The following RABGEF1 variants were observed in gnomAD, a reference collection of about 807,000 sequenced individuals.
RABGEF1 encodes RAB guanine nucleotide exchange factor 1.
In RABGEF1, 26 loss-of-function variants were observed where a neutral mutation model predicts 57.3. The observed-to-expected ratio is 0.45, with a 90% confidence interval of 0.33 to 0.63. RABGEF1 has a LOEUF of 0.63. Ranked by LOEUF, RABGEF1 falls within the 20% of genes least tolerant of loss-of-function variation. The pLI, the probability that RABGEF1 is intolerant of heterozygous loss-of-function variation, is 0.02. For synonymous variants in RABGEF1, 185 were observed against 210.7 expected (o/e 0.88, Z 1.06); for missense variants, 464 against 607.6 (o/e 0.76, Z 2.48).
chr7:66,716,987 C>T (rs1413557686), intron 2 of RABGEF1, among the ~76,000 whole-genome samples: 1 of 152,180 alleles, frequency 6.6e-6, no homozygotes, highest in African/African-American at 2.4e-5. Flanking sequence ...CCATGTTGGC[C>T]AGGCTAGTCT....
intron 8 of RABGEF1, chr7:66,807,841 T>A (rs1788768085): frequency 1.3e-5 from 2 of 152,204 alleles, no homozygotes; most frequent in South Asian, 4.1e-4. Flanking sequence ...TTTCTAGAGA[T>A]GGTTTCTACC....
chr7:66,800,756 C>T (rs546130377), intron 7 of RABGEF1, among the ~76,000 whole-genome samples: 9 of 152,326 alleles, frequency 5.9e-5, no homozygotes, highest in East Asian at 1.9e-4. Flanking sequence ...GTAGCCTTTA[C>T]GGCCTGTTGC....
At chr7:66,808,497 AGGCACCGG>A (rs1312025096) in intron 8 of RABGEF1, among the ~76,000 whole-genome samples, 1 of 152,178 alleles carries the variant, frequency 6.6e-6, no homozygotes, top group Non-Finnish European at 1.5e-5. Context: ...TACAGGCTTG[AGGCACCGG>A]GCCCGGTCTG....
the RABGEF1 span, among the ~76,000 whole-genome samples, chr7:66,668,539 C>T: frequency 1.3e-5 from 2 of 152,152 alleles, no homozygotes; most frequent in South Asian, 2.1e-4. Context: ...GGAGAAGACC[C>T]TCTGGAGAGG....
the RABGEF1 span, among the ~76,000 whole-genome samples, chr7:66,663,016 T>G: frequency 6.6e-6 from 1 of 152,254 alleles, no homozygotes; most frequent in Non-Finnish European, 1.5e-5. Context: ...GTTGTGGATT[T>G]ACGGGAATGA....
intron 1 of RABGEF1, chr7:66,755,785 G>C (rs1485127910): frequency 3.1e-6 from 1 of 325,940 alleles, no homozygotes; most frequent in South Asian, 7.3e-5. Context: ...ATAGAAGACT[G>C]TTGTCTAGAA....
At chr7:66,689,110 A>T (rs944198458) in intron 1 of RABGEF1, among the ~76,000 whole-genome samples, 7 of 152,142 alleles carry the variant, frequency 4.6e-5, no homozygotes, top group South Asian at 4.1e-4. Flanking sequence ...AAATAAAAAT[A>T]AAAATTAAAA....
chr7:66,702,500 A>G (rs767843799), intron 1 of RABGEF1, among the ~76,000 whole-genome samples: 1 of 152,054 alleles, frequency 6.6e-6, no homozygotes, highest in Non-Finnish European at 1.5e-5. Context: ...GTATATATCT[A>G]GGAGTGGAAA....
chr7:66,728,761 G>A (rs201493826), intron 2 of RABGEF1, among the ~76,000 whole-genome samples: 6 of 1,534 alleles, frequency 3.9e-3, no homozygotes, highest in Non-Finnish European at 6.6e-3. Context: ...GACCCTCACC[G>A]CCATCCTCAC....
chr7:66,683,475 T>C lies in RABGEF1; in HGVS notation c.-873+1217T>C, dbSNP rs1452809265. ...TTCCAATCAGTCAGTTTCTGCTCTC[T>C]AGAAGTTAGCCAGTTGAGGAGAAGG... On this transcript the variant is annotated intron_variant and NMD_transcript_variant, in intron 1 of 9. Transcript: ENST00000607882. Among the ~76,000 whole-genome samples, 3 of 152,244 alleles carry C rather than the reference T, an allele frequency of 2.0e-5. No homozygotes were observed. In the East Asian group the frequency reaches 5.8e-4, roughly 29 times the overall value.
intron 1 of RABGEF1, chr7:66,769,035 G>A (rs944728060): frequency 1.3e-5 from 2 of 152,212 alleles, no homozygotes; most frequent in East Asian, 1.9e-4. Flanking sequence ...GGTAAGTGGG[G>A]GGATCCCCAT....
chr7:66,691,907 A>T (rs75117644), intron 1 of RABGEF1, among the ~76,000 whole-genome samples: 1 of 151,936 alleles, frequency 6.6e-6, no homozygotes, highest in Admixed American at 6.6e-5. Flanking sequence ...AAAAAAAAAA[A>T]TTAGTAAAGT....
At chr7:66,736,734 G>A (rs775664308), upstream of RABGEF1, among the ~76,000 whole-genome samples, 2 of 152,014 alleles carry the variant, frequency 1.3e-5, no homozygotes, top group African/African-American at 2.4e-5. Context: ...GGTGGCTTGC[G>A]CCTGTAATCC....
rs71526570 is a variant in RABGEF1, at chr7:66,687,113, C to CTTTTTTTTT, written c.-873+4869_-873+4877dup. 1.2e-4 allele frequency among the ~76,000 whole-genome samples: 12 copies of CTTTTTTTTT among 103,640 alleles called. 2 individuals carry two copies. Among genetic ancestry groups the CTTTTTTTTT allele is most frequent in the African/African-American group, 1.1e-4 (3 of 27,704 alleles). 68.0% of individuals were successfully genotyped at this position (103,640 alleles called of 152,430 possible). On this transcript the variant is annotated intron_variant and NMD_transcript_variant, in intron 1 of 9. Coordinates refer to the RABGEF1 transcript ENST00000607882. ...TGAGATTACGAGCCACCACGCCCGG[C>CTTTTTTTTT]TTTTTTTTTTTTTTTTTTTTTTCTT...
intron 1 of RABGEF1, chr7:66,756,220 A>G: frequency 1.8e-6 from 1 of 542,954 alleles, no homozygotes; most frequent in South Asian, 3.3e-5. Flanking sequence ...CCTTAGGGAA[A>G]TGCACGTTAA....
At chr7:66,716,631 GCAA>G (rs1795431652) in intron 2 of RABGEF1, among the ~76,000 whole-genome samples, 1 of 151,690 alleles carries the variant, frequency 6.6e-6, no homozygotes, top group South Asian at 2.1e-4. Flanking sequence ...TAAAACAGCA[GCAA>G]CAAAATGTAT....
Position 66,805,276 on chromosome 7 carries a change from C to T in RABGEF1, c.957C>T (p.Leu319=), listed in dbSNP as rs773441926. The T allele has an allele frequency of 2.5e-6, 4 of 1,614,210 alleles. No homozygotes were observed. The South Asian group carries it at 3.3e-5, about 13-fold the overall frequency. The change falls in exon 8 of 9, where the codon CTC becomes CTT. Residue 319 remains leucine, a synonymous_variant. Coordinates refer to ENST00000284957, the MANE Select transcript of RABGEF1 (RefSeq NM_014504.3). ...PASADDFLPT[L]IYIVLKGNPP... ...CAGCGGATGACTTCCTCCCCACCCT[C>T]ATCTACATTGTTTTGAAGGGCAACC... is the stretch of plus-strand genomic sequence containing the variant.
intron 8 of RABGEF1, among the ~76,000 whole-genome samples, chr7:66,805,623 T>C (rs928549765): frequency 1.3e-5 from 2 of 152,204 alleles, no homozygotes; most frequent in Admixed American, 6.5e-5. Context: ...ACAGATGACA[T>C]GTGTTGGGCA....
chr7:66,678,333 A>T (rs971700214), upstream of RABGEF1, among the ~76,000 whole-genome samples: 1 of 152,066 alleles, frequency 6.6e-6, no homozygotes, highest in African/African-American at 2.4e-5. Context: ...TGGGAGGCCG[A>T]GGTGGGCGGA....
Sources: gnomAD v4.1 joint callset for allele counts (sites outside exome capture counted in the v4.1 genomes callset) on GRCh38, gnomAD v4.1.1 for gene constraint, MANE v1.5 for transcripts, NCBI Gene and HGNC (gene_info 2026-07-23, HGNC 2026-07-21) for gene names.